The following TCF4 variants were observed in gnomAD, a reference collection of about 807,000 sequenced individuals.
TCF4 encodes transcription factor 4.
In TCF4, 3 loss-of-function variants were observed where a neutral mutation model predicts 82.1. The ratio of observed to expected loss-of-function variants is 0.04; its 90% CI spans 0.02 to 0.09. The LOEUF (loss-of-function observed/expected upper bound fraction) is 0.09. TCF4 is among the 10% of genes least tolerant of loss of function. The pLI, the probability that TCF4 is intolerant of heterozygous loss-of-function variation, is 1.00. For synonymous variants in TCF4, 276 were observed against 309.6 expected, an observed-to-expected ratio of 0.89 and a Z score of 1.14; for missense variants, 518 against 852.7, an observed-to-expected ratio of 0.61 and a Z score of 4.89.
intron 3 of TCF4, among the ~76,000 whole-genome samples, chr18:55,519,608 G>A (rs772387773): frequency 2.6e-5 from 4 of 152,076 alleles, no homozygotes; most frequent in Non-Finnish European, 5.9e-5. Context: ...TAAAGCCTAT[G>A]TAAATTCATA....
chr18:55,325,687 TTTTTGTTGTTGTTG>T (rs1272817037), intron 8 of TCF4, among the ~76,000 whole-genome samples: 3 of 152,346 alleles, frequency 2.0e-5, no homozygotes, highest in African/African-American at 2.4e-5. Flanking sequence ...GGAAAGTTGT[TTTTTGTTGTTGTTG>T]TTTTGTTGTT....
intron 15 of TCF4, among the ~76,000 whole-genome samples, chr18:55,249,179 A>G (rs1303299126): frequency 6.6e-6 from 1 of 152,132 alleles, no homozygotes; most frequent in East Asian, 1.9e-4. Flanking sequence ...CAGTGGTCTG[A>G]GCTCTTAACT....
chr18:55,595,384 C>T (rs1025776451), intron 2 of TCF4, among the ~76,000 whole-genome samples: 1 of 152,166 alleles, frequency 6.6e-6, no homozygotes, highest in African/African-American at 2.4e-5. Context: ...TTATTATGTT[C>T]TCTGTTTTCA....
At chr18:55,340,240 T>C (rs1376571705) in intron 8 of TCF4, among the ~76,000 whole-genome samples, 1 of 152,146 alleles carries the variant, frequency 6.6e-6, no homozygotes, top group Non-Finnish European at 1.5e-5. Flanking sequence ...AACCACAGTA[T>C]AAGCAGCTCC....
chr18:55,284,548 C>T (rs2063297819), intron 8 of TCF4: 1 of 152,240 alleles, frequency 6.6e-6, no homozygotes, highest in South Asian at 2.1e-4. Flanking sequence ...CTTCATATCA[C>T]ATCACCATGT....
intron 5 of TCF4, among the ~76,000 whole-genome samples, chr18:55,410,269 G>T (rs1282843525): frequency 6.6e-6 from 1 of 152,138 alleles, no homozygotes; most frequent in Non-Finnish European, 1.5e-5. Flanking sequence ...GATCCCACTG[G>T]AAATTGGGGA....
intron 6 of TCF4, among the ~76,000 whole-genome samples, chr18:55,385,831 C>A (rs2092550457): frequency 6.6e-6 from 1 of 152,172 alleles, no homozygotes; most frequent in South Asian, 2.1e-4. Flanking sequence ...AAGGCTTGTC[C>A]AGCCCTGCTC....
At chr18:55,605,487 G>A (rs1362852542) in intron 2 of TCF4, among the ~76,000 whole-genome samples, 1 of 152,128 alleles carries the variant, frequency 6.6e-6, no homozygotes, top group Non-Finnish European at 1.5e-5. Flanking sequence ...GTTGGAAGGT[G>A]GACTGTTCTT....
intron 3 of TCF4, among the ~76,000 whole-genome samples, chr18:55,538,600 T>G (rs893325344): frequency 3.3e-5 from 5 of 152,188 alleles, no homozygotes; most frequent in African/African-American, 9.6e-5. Flanking sequence ...AGACAGAGGT[T>G]TCCCAGGATA....
chr18:55,623,735 G>A (rs1297958516), intron 2 of TCF4, among the ~76,000 whole-genome samples: 1 of 152,130 alleles, frequency 6.6e-6, no homozygotes, highest in African/African-American at 2.4e-5. Context: ...AGCACATGGG[G>A]ATTTAGCTAT....
At chr18:55,573,955 A>AATATTAAC (rs2097502438) in intron 3 of TCF4, among the ~76,000 whole-genome samples, 1 of 152,230 alleles carries the variant, frequency 6.6e-6, no homozygotes, top group Non-Finnish European at 1.5e-5. Context: ...TTTAAACACA[A>AATATTAAC]ATATTAACAT....
chr18:55,231,730 A>T (rs2047981913), intron 17 of TCF4: 1 of 152,264 alleles, frequency 6.6e-6, no homozygotes, highest in African/African-American at 2.4e-5. Context: ...AATAATTACA[A>T]CAGCAACATA....
intron 6 of TCF4, among the ~76,000 whole-genome samples, chr18:55,382,660 A>C (rs2092104900): frequency 6.6e-6 from 1 of 150,998 alleles, no homozygotes; most frequent in African/African-American, 2.5e-5. Flanking sequence ...TTTAATACTA[A>C]AAAAAAGGAA....
At chr18:55,583,581 TTAAA>T (rs957521013) in intron 3 of TCF4, among the ~76,000 whole-genome samples, 7 of 152,162 alleles carry the variant, frequency 4.6e-5, no homozygotes, top group African/African-American at 1.7e-4. Context: ...CCTTACTTTA[TTAAA>T]TATCTAATGT....
intron 6 of TCF4, among the ~76,000 whole-genome samples, chr18:55,395,008 C>T (rs11877568): frequency 0.032 from 4,836 of 152,264 alleles, 151 homozygotes; most frequent in South Asian, 0.17. Flanking sequence ...GCTTCTGTTG[C>T]TATCTTTCAG....
Position 55,488,407 on chromosome 18 carries a change from T to C in TCF4, c.146-24270A>G, listed in dbSNP as rs370901100. Among the ~76,000 whole-genome samples, 8 of 152,030 alleles carry C rather than the reference T, an allele frequency of 5.3e-5. No homozygotes were observed. The East Asian group carries it at 7.7e-4, about 15-fold the overall frequency. ...GTGAAATTGGTTTTTTTAAAGTCTT[T>C]CCTCCAAGTTTTTGGCCCCAGAAGA... On this transcript the variant is annotated intron_variant, in intron 3 of 19. Coordinates refer to ENST00000354452, the MANE Select transcript of TCF4 (RefSeq NM_001083962.2).
intron 6 of TCF4, among the ~76,000 whole-genome samples, chr18:55,400,389 T>C (rs544813586): frequency 1.2e-4 from 18 of 152,140 alleles, no homozygotes; most frequent in Non-Finnish European, 1.9e-4. Context: ...TTTAAATTAG[T>C]TTTGTCATAT....
At chr18:55,309,802 C>T (rs1010833080) in intron 8 of TCF4, among the ~76,000 whole-genome samples, 1 of 152,076 alleles carries the variant, frequency 6.6e-6, no homozygotes, top group Non-Finnish European at 1.5e-5. Context: ...TTCAGAGGGA[C>T]ATATGGACTA....
intron 3 of TCF4, among the ~76,000 whole-genome samples, chr18:55,560,575 C>A (rs183881749): frequency 6.6e-6 from 1 of 152,100 alleles, no homozygotes; most frequent in South Asian, 2.1e-4. Flanking sequence ...CTTCTCTGAT[C>A]ATGCCTAGGC....
Sources: gnomAD v4.1 joint callset for allele counts (sites outside exome capture counted in the v4.1 genomes callset) on GRCh38, gnomAD v4.1.1 for gene constraint, MANE v1.5 for transcripts, NCBI Gene and HGNC (gene_info 2026-07-23, HGNC 2026-07-21) for gene names.